PDS5A: variants seen among roughly 807,000 people sequenced by gnomAD.
PDS5A encodes the protein sister chromatid cohesion protein PDS5 homolog A.
PDS5A carries 42 observed loss-of-function variants against 167.1 expected under a neutral mutation model. The ratio of observed to expected loss-of-function variants is 0.25; its 90% CI spans 0.20 to 0.33. PDS5A has a LOEUF of 0.33. Among genes scored for constraint, PDS5A ranks in the 10% least tolerant of loss-of-function variants. The pLI is 1.00. For synonymous variants in PDS5A, 553 were observed against 554.6 expected, an observed-to-expected ratio of 1.00 and a Z score of 0.04; for missense variants, 1,033 against 1,605.9, an observed-to-expected ratio of 0.64 and a Z score of 6.10.
intron 30 of PDS5A, 128 bp downstream of exon 30, chr4:39,844,528 T>C (rs1407716469): frequency 1.5e-6 from 1 of 650,242 alleles, no homozygotes; most frequent in African/African-American, 1.9e-5. Flanking sequence ...ATACTAAAAT[T>C]CATCAATATT....
At chr4:39,907,866 G>A (rs1389015229) in intron 11 of PDS5A, among the ~76,000 whole-genome samples, 4 of 152,190 alleles carry the variant, frequency 2.6e-5, no homozygotes, top group African/African-American at 2.4e-5. Context: ...GATTACAGGC[G>A]TGAGCCACCG....
intron 23 of PDS5A, among the ~76,000 whole-genome samples, chr4:39,864,124 G>A (rs757296545): frequency 6.6e-6 from 1 of 150,770 alleles, no homozygotes. Context: ...GTAAGACTCT[G>A]TCTCAAAAAA....
At chr4:39,833,548 T>C (rs1716120669) in intron 32 of PDS5A, among the ~76,000 whole-genome samples, 1 of 152,066 alleles carries the variant, frequency 6.6e-6, no homozygotes, top group South Asian at 2.1e-4. Context: ...ACCAGACACC[T>C]GGCTAATTTT....
intron 2 of PDS5A, among the ~76,000 whole-genome samples, chr4:39,950,619 C>T (rs529283683): frequency 3.3e-5 from 5 of 152,214 alleles, no homozygotes; most frequent in African/African-American, 1.2e-4. Flanking sequence ...GAGTCTTGCT[C>T]TGTCGCCCAG....
intron 8 of PDS5A, among the ~76,000 whole-genome samples, chr4:39,914,162 G>GT (rs34732453): frequency 0.012 from 758 of 64,098 alleles, 5 homozygotes; most frequent in East Asian, 0.022. Flanking sequence ...ATACAAATTT[G>GT]TTTTTTTTTT....
At chr4:39,935,649 C>T (rs952923919) in intron 2 of PDS5A, among the ~76,000 whole-genome samples, 7 of 152,104 alleles carry the variant, frequency 4.6e-5, no homozygotes, top group Admixed American at 3.9e-4. Context: ...TTTACCAATA[C>T]CACATAGCTT....
At chr4:39,902,108 G>A (rs138968097) in intron 13 of PDS5A, among the ~76,000 whole-genome samples, 25 of 152,280 alleles carry the variant, frequency 1.6e-4, no homozygotes, top group African/African-American at 5.3e-4. Flanking sequence ...GTATTTTGAC[G>A]TGGTCATTTA....
chr4:39,975,106 CAAAAA>C (rs57418654), intron 2 of PDS5A, among the ~76,000 whole-genome samples: 2 of 85,244 alleles, frequency 2.3e-5, no homozygotes, highest in Non-Finnish European at 2.3e-5. Context: ...GACTCCGTCT[CAAAAA>C]AAAAAAAAAA....
intron 23 of PDS5A, among the ~76,000 whole-genome samples, chr4:39,866,189 A>G (rs1423724275): frequency 6.6e-6 from 1 of 152,120 alleles, no homozygotes; most frequent in African/African-American, 2.4e-5. Flanking sequence ...ATCTCAGCTC[A>G]CTGCAACCTC....
intron 9 of PDS5A, 122 bp from the exon 10 acceptor site, chr4:39,910,460 A>G (rs1723790922): frequency 1.7e-6 from 1 of 593,900 alleles, no homozygotes; most frequent in African/African-American, 1.8e-5. Flanking sequence ...ATTTGTTATG[A>G]GCTAAGGTAT....
intron 31 of PDS5A, among the ~76,000 whole-genome samples, chr4:39,840,372 C>T (rs1418369154): frequency 1.3e-5 from 2 of 152,172 alleles, no homozygotes; most frequent in Non-Finnish European, 2.9e-5. Context: ...GCACGGCTCA[C>T]GCCTGTAATC....
At chr4:39,944,583 A>C (rs1727563761) in intron 2 of PDS5A, among the ~76,000 whole-genome samples, 2 of 151,396 alleles carry the variant, frequency 1.3e-5, no homozygotes, top group South Asian at 2.1e-4. Context: ...AATACCAGCT[A>C]CTCGGGAGGC....
At chr4:39,870,597 T>C (rs1719940009) in intron 21 of PDS5A, among the ~76,000 whole-genome samples, 1 of 147,928 alleles carries the variant, frequency 6.8e-6, no homozygotes, top group African/African-American at 2.6e-5. Context: ...CAAAATAAAA[T>C]AAAATAAAAT....
chr4:39,944,219 G>T (rs1309422507), intron 2 of PDS5A, among the ~76,000 whole-genome samples: 1 of 150,544 alleles, frequency 6.6e-6, no homozygotes, highest in Admixed American at 6.6e-5. Flanking sequence ...AATCATTATG[G>T]AAGGTTTCTA....
chr4:39,956,270 T>C (rs1728916203), intron 2 of PDS5A, among the ~76,000 whole-genome samples: 1 of 151,844 alleles, frequency 6.6e-6, no homozygotes, highest in Non-Finnish European at 1.5e-5. Flanking sequence ...GGCAGGCAAA[T>C]CACTTGAGAT....
At chr4:39,967,893 C>G (rs970953306) in intron 2 of PDS5A, among the ~76,000 whole-genome samples, 5 of 151,976 alleles carry the variant, frequency 3.3e-5, no homozygotes, top group Admixed American at 2.0e-4. Context: ...TCCAACCTGG[C>G]AACAGACCGA....
chr4:39,838,355 T>A, intron 31 of PDS5A, 147 bp from the exon 32 acceptor site: 1 of 630,396 alleles, frequency 1.6e-6, no homozygotes, highest in South Asian at 2.1e-5. Flanking sequence ...GAAAGTAAGC[T>A]CCTTGAGGAG....
At chr4:39,955,400 G>A (rs188284510) in intron 2 of PDS5A, among the ~76,000 whole-genome samples, 5 of 152,164 alleles carry the variant, frequency 3.3e-5, no homozygotes, top group Admixed American at 2.6e-4. Context: ...TCAGGAGTTC[G>A]AGACCAGCCT....
At chr4:39,833,095 G>A (rs1050170475) in intron 32 of PDS5A, among the ~76,000 whole-genome samples, 10 of 145,208 alleles carry the variant, frequency 6.9e-5, no homozygotes, top group African/African-American at 2.5e-4. Flanking sequence ...GGAGGCTGAG[G>A]CAGGAGAATT....
Sources: gnomAD v4.1 joint callset for allele counts (sites outside exome capture counted in the v4.1 genomes callset) on GRCh38, gnomAD v4.1.1 for gene constraint, MANE v1.5 for transcripts, NCBI Gene and HGNC (gene_info 2026-07-23, HGNC 2026-07-21) for gene names.